The following CPVL variants were observed in gnomAD, a reference collection of about 807,000 sequenced individuals.
The protein encoded by CPVL is carboxypeptidase vitellogenic like, also known as probable serine carboxypeptidase CPVL.
CPVL carries 51 observed loss-of-function variants against 63.7 expected under a neutral mutation model. The observed-to-expected ratio is 0.80, with a 90% CI of 0.64 to 1.01. CPVL has a LOEUF of 1.01. Among genes scored for constraint, CPVL ranks in the 50% least tolerant of loss-of-function variants. The pLI, the probability that CPVL is intolerant of heterozygous loss-of-function variation, is 0.00. For missense variants in CPVL, 530 were observed against 573.1 expected (o/e 0.92, Z 0.77); for synonymous variants, 195 against 206.0 (o/e 0.95, Z 0.46).
chr7:29,194,796 A>C lies in CPVL; in HGVS notation c.-448+281T>G, dbSNP rs1033913008. 9 of 585,362 alleles carry C rather than the reference A, an allele frequency of 1.5e-5. No homozygotes were observed. The Admixed American group carries it at 2.7e-4, about 17-fold the overall frequency. The allele number at this position is 585,362 out of a possible 1,614,324, so 36.3% of individuals were successfully genotyped here. A position where few individuals can be genotyped will look rare whatever the true frequency, so the allele number is the denominator to read the frequency against. On this transcript the variant is annotated intron_variant, in intron 1 of 16. Coordinates refer to the CPVL transcript ENST00000409850. Reference sequence around the variant, plus strand: ...ATCTGGTGGAGCAGGAAGTGCAGGCAGAGTCCGGAGGCTGGTGCTTTCTGC... The same window carrying C: ...ATCTGGTGGAGCAGGAAGTGCAGGCCGAGTCCGGAGGCTGGTGCTTTCTGC...
At chr7:29,117,321 G>A (rs1436714842) in intron 2 of CPVL, among the ~76,000 whole-genome samples, 1 of 152,222 alleles carries the variant, frequency 6.6e-6, no homozygotes, top group Non-Finnish European at 1.5e-5. Flanking sequence ...AAGAACAGGA[G>A]AGATGTCAGT....
intron 11 of CPVL, among the ~76,000 whole-genome samples, chr7:29,056,464 C>A (rs757106707): frequency 3.3e-5 from 5 of 152,194 alleles, no homozygotes; most frequent in Non-Finnish European, 5.9e-5. Context: ...AGATTGGCTT[C>A]TTTCACTCAG....
rs763600090 is a variant in CPVL, at chr7:29,014,140, G to C, written c.1320+16437C>G. ...CTGGCTGGGAGGTGGGGTGTGGTTT[G>C]ATTACTGTGTTCTGGTTTTCTGCCC... On this transcript the variant is annotated intron_variant, in intron 12 of 12. Transcript: ENST00000265394. Among the ~76,000 whole-genome samples, 413 of 152,242 alleles carry C rather than the reference G, an allele frequency of 2.7e-3. 1 individual carries two copies. The highest frequency in any genetic ancestry group is 3.4e-3 in the Middle Eastern group (1 of 294).
chr7:29,040,368 G>A (rs983792448), intron 11 of CPVL, among the ~76,000 whole-genome samples: 1 of 152,186 alleles, frequency 6.6e-6, no homozygotes, highest in Admixed American at 6.5e-5. Context: ...CAGCTGAGGA[G>A]TATAACATTT....
chr7:29,069,792 G>A (rs1783550408), intron 9 of CPVL, among the ~76,000 whole-genome samples: 2 of 115,790 alleles, frequency 1.7e-5, no homozygotes, highest in Non-Finnish European at 4.1e-5. Flanking sequence ...GTGTGTGTGT[G>A]TGTGTGTGTG....
At chr7:29,180,895 AT>A (rs2128742425) in intron 5 of CPVL, among the ~76,000 whole-genome samples, 1 of 152,324 alleles carries the variant, frequency 6.6e-6, no homozygotes, top group Admixed American at 6.5e-5. Context: ...TTGCAGTGTA[AT>A]TGAAAAGAGT....
chr7:29,120,362 C>T (rs905683207), intron 2 of CPVL, among the ~76,000 whole-genome samples: 8 of 152,070 alleles, frequency 5.3e-5, no homozygotes, highest in African/African-American at 1.9e-4. Flanking sequence ...GCAGAGGTTG[C>T]AGTAAGCAGA....
At chr7:29,002,298 T>C (rs1784724453) in intron 12 of CPVL, among the ~76,000 whole-genome samples, 1 of 152,140 alleles carries the variant, frequency 6.6e-6, no homozygotes, top group Non-Finnish European at 1.5e-5. Flanking sequence ...TGAAAGACAA[T>C]GCCTTGGAAG....
intron 9 of CPVL, among the ~76,000 whole-genome samples, chr7:29,068,425 A>C (rs181614478): frequency 6.6e-6 from 1 of 150,982 alleles, no homozygotes; most frequent in Non-Finnish European, 1.5e-5. Context: ...GTGTGGGTGG[A>C]GGTGGTAGTA....
At chr7:29,171,905 C>T (rs1209952297) in intron 5 of CPVL, among the ~76,000 whole-genome samples, 1 of 152,146 alleles carries the variant, frequency 6.6e-6, no homozygotes, top group African/African-American at 2.4e-5. Context: ...TGGAGGGAAG[C>T]CCCCAATTCC....
chr7:29,193,182 T>C (rs1783121631), intron 1 of CPVL: 1 of 152,282 alleles, frequency 6.6e-6, no homozygotes, highest in South Asian at 2.1e-4. Context: ...CTCACACTCC[T>C]TTAACAGTTT....
intron 11 of CPVL, among the ~76,000 whole-genome samples, chr7:29,055,212 A>G (rs995654719): frequency 1.3e-5 from 2 of 152,072 alleles, no homozygotes; most frequent in Non-Finnish European, 2.9e-5. Context: ...TTTTTGAAAA[A>G]TCTGAGAGAC....
intron 3 of CPVL, among the ~76,000 whole-genome samples, chr7:29,096,776 G>A (rs902045529): frequency 1.4e-4 from 21 of 152,150 alleles, no homozygotes; most frequent in Non-Finnish European, 2.5e-4. Context: ...CTGGGGTCAG[G>A]AGTTCAAGAC....
At chr7:29,037,391 CAAA>C (rs781394806) in intron 11 of CPVL, among the ~76,000 whole-genome samples, 1 of 141,336 alleles carries the variant, frequency 7.1e-6, no homozygotes, top group East Asian at 2.0e-4. Flanking sequence ...AAAATAAATA[CAAA>C]AAAAAAAAAT....
intron 3 of CPVL, among the ~76,000 whole-genome samples, chr7:29,103,003 C>T (rs1039663857): frequency 2.0e-5 from 3 of 151,926 alleles, no homozygotes; most frequent in African/African-American, 7.3e-5. Flanking sequence ...CTATTGTTCC[C>T]CAGATTGATA....
chr7:29,188,142 C>T lies in CPVL; in HGVS notation c.-447-1595G>A, dbSNP rs76616596. Among the ~76,000 whole-genome samples the T allele has an allele frequency of 6.9e-3, 1,048 of 152,294 alleles. 40 individuals are homozygous for T. In the East Asian group the frequency reaches 0.11, roughly 16 times the overall value. On this transcript the variant is annotated intron_variant, in intron 1 of 16. Coordinates refer to the CPVL transcript ENST00000409850. Reference sequence around the variant, plus strand: ...TACTCCAGAAAAGCAGATGTGAGCACGCTATACTTTGCTCTAAGGAACAGA... The same window carrying T: ...TACTCCAGAAAAGCAGATGTGAGCATGCTATACTTTGCTCTAAGGAACAGA...
intron 3 of CPVL, among the ~76,000 whole-genome samples, chr7:29,104,450 G>T (rs1034519040): frequency 6.6e-6 from 1 of 152,020 alleles, no homozygotes. Context: ...TATTAGAGAC[G>T]GGGTTGCACC....
chr7:29,098,738 TCTC>T (rs1786720835), intron 3 of CPVL, among the ~76,000 whole-genome samples: 1 of 151,280 alleles, frequency 6.6e-6, no homozygotes, highest in Admixed American at 6.6e-5. Flanking sequence ...TTGCCTAAGC[TCTC>T]TGGATCTCAG....
chr7:29,129,447 T>C (rs902508709), intron 1 of CPVL, among the ~76,000 whole-genome samples: 21 of 151,420 alleles, frequency 1.4e-4, no homozygotes, highest in Non-Finnish European at 3.1e-4. Context: ...GTAAGGTTGA[T>C]GCAAAAGTAA....
Sources: gnomAD v4.1 joint callset for allele counts (sites outside exome capture counted in the v4.1 genomes callset) on GRCh38, gnomAD v4.1.1 for gene constraint, MANE v1.5 for transcripts, NCBI Gene and HGNC (gene_info 2026-07-23, HGNC 2026-07-21) for gene names.